Variants in PARD3 observed in about 807,000 individuals in gnomAD.
The protein encoded by PARD3 is par-3 family cell polarity regulator.
PARD3 carries 75 observed loss-of-function variants against 155.4 expected under a neutral mutation model. The ratio of observed to expected loss-of-function variants is 0.48; its 90% CI spans 0.40 to 0.58. PARD3 has a LOEUF of 0.58. Among genes scored for constraint, PARD3 ranks in the 20% least tolerant of loss-of-function variants. The pLI is 0.00. For missense variants in PARD3, 1,642 were observed against 1,721.7 expected, an observed-to-expected ratio of 0.95 and a Z score of 0.82; for synonymous variants, 576 against 610.5, an observed-to-expected ratio of 0.94 and a Z score of 0.83.
intron 2 of PARD3, among the ~76,000 whole-genome samples, chr10:34,540,330 T>TA (rs554974256): frequency 0.016 from 2,248 of 144,328 alleles, 22 homozygotes; most frequent in East Asian, 0.029. Context: ...CACACTATAT[T>TA]AAAAAAAAAA....
chr10:34,207,202 G>A (rs537421804), intron 22 of PARD3, among the ~76,000 whole-genome samples: 1 of 152,294 alleles, frequency 6.6e-6, no homozygotes, highest in South Asian at 2.1e-4. Flanking sequence ...TCACACAGGG[G>A]CTCATGATGA....
intron 1 of PARD3, among the ~76,000 whole-genome samples, chr10:34,733,875 C>A (rs2133831210): frequency 6.6e-6 from 1 of 151,904 alleles, no homozygotes; most frequent in South Asian, 2.1e-4. Flanking sequence ...TCTCAAAACT[C>A]CTAATATAAA....
At position 34,728,046 on chromosome 10, in the gene PARD3, A is replaced by G. The variant is rs1478356503; in HGVS notation, c.121-31627T>C. Among the ~76,000 whole-genome samples, 3 of 152,216 alleles carry G rather than the reference A, an allele frequency of 2.0e-5. No individual in the cohort carries two copies. In the East Asian group the frequency reaches 5.8e-4, roughly 29 times the overall value. On this transcript the variant is annotated intron_variant, in intron 1 of 24. Transcript: ENST00000374788. ...GATCCTTGCAATGCATTCTGGATCA[A>G]CAAGTAGGTATATTAAGTCTAATTT...
intron 1 of PARD3, among the ~76,000 whole-genome samples, chr10:34,806,485 G>A (rs1265472960): frequency 6.6e-6 from 1 of 151,614 alleles, no homozygotes; most frequent in African/African-American, 2.4e-5. Context: ...CACCACACCC[G>A]GCCTATGCCT....
At chr10:34,790,004 G>A (rs879918285) in intron 1 of PARD3, among the ~76,000 whole-genome samples, 3 of 152,170 alleles carry the variant, frequency 2.0e-5, no homozygotes, top group Admixed American at 1.3e-4. Flanking sequence ...AAACTATACA[G>A]ACAATTCAGT....
intron 7 of PARD3, among the ~76,000 whole-genome samples, chr10:34,385,086 A>G (rs1418553114): frequency 6.6e-6 from 1 of 152,194 alleles, no homozygotes; most frequent in African/African-American, 2.4e-5. Context: ...TATAAGCAAC[A>G]GGGGTCTTAA....
At chr10:34,432,482 A>C (rs1482909066) in intron 5 of PARD3, among the ~76,000 whole-genome samples, 1 of 152,114 alleles carries the variant, frequency 6.6e-6, no homozygotes, top group Non-Finnish European at 1.5e-5. Flanking sequence ...CACAGAGCAA[A>C]ATTAAAAGAA....
chr10:34,258,300 G>A (rs538688930), intron 22 of PARD3, among the ~76,000 whole-genome samples: 9 of 152,272 alleles, frequency 5.9e-5, no homozygotes, highest in Admixed American at 1.3e-4. Flanking sequence ...GTCAGGAGAC[G>A]ACCATCAGTA....
At chr10:34,689,242 T>A (rs916157019) in intron 2 of PARD3, among the ~76,000 whole-genome samples, 2 of 152,174 alleles carry the variant, frequency 1.3e-5, no homozygotes, top group African/African-American at 2.4e-5. Flanking sequence ...AATGATTAAA[T>A]CAGGATCGAA....
chr10:34,546,051 G>T (rs1234258227), intron 2 of PARD3, among the ~76,000 whole-genome samples: 3 of 152,020 alleles, frequency 2.0e-5, no homozygotes, highest in African/African-American at 7.2e-5. Context: ...TAACGTAAAA[G>T]TATACTTATA....
chr10:34,113,671 G>A (rs539799858), intron 24 of PARD3, among the ~76,000 whole-genome samples: 1 of 152,200 alleles, frequency 6.6e-6, no homozygotes, highest in South Asian at 2.1e-4. Flanking sequence ...CCTACACTAG[G>A]AAACTAAGCA....
At chr10:34,558,670 C>A (rs1044286250) in intron 2 of PARD3, among the ~76,000 whole-genome samples, 1 of 152,150 alleles carries the variant, frequency 6.6e-6, no homozygotes, top group Non-Finnish European at 1.5e-5. Context: ...GTGGCTCATG[C>A]CTCTAATCCC....
At position 34,111,342 on chromosome 10, in the gene PARD3, T is replaced by TCTTCATCTGCTGCTC; in HGVS notation, c.3874_3888dup (p.Glu1292_Lys1296dup). On this transcript the variant is annotated inframe_insertion, in exon 25 of 25. Transcript: ENST00000374788. The stretch of plus-strand genomic sequence containing the variant: ...CTGGGCCCCTCGGAAGGAGGCTGCT[T>TCTTCATCTGCTGCTC]CTTCATCTGCTGCTCCTTCCGCCTC... 1.2e-6 allele frequency: 2 copies of TCTTCATCTGCTGCTC among 1,613,950 alleles called. No individual in the cohort carries two copies. The highest frequency in any genetic ancestry group is 1.7e-6 in the Non-Finnish European group (2 of 1,179,844).
At chr10:34,155,668 A>ATGTGTG (rs3039232) in intron 22 of PARD3, among the ~76,000 whole-genome samples, 8,939 of 140,300 alleles carry the variant, frequency 0.064, 317 homozygotes, top group Non-Finnish European at 0.073. Context: ...CCCTCTAAAA[A>ATGTGTG]TGTGTGTGTG....
chr10:34,171,293 G>A (rs188314091), intron 22 of PARD3, among the ~76,000 whole-genome samples: 1 of 152,136 alleles, frequency 6.6e-6, no homozygotes, highest in South Asian at 2.1e-4. Context: ...GATAATCGAG[G>A]TTGCCTTTTT....
intron 2 of PARD3, among the ~76,000 whole-genome samples, chr10:34,671,421 T>C (rs2093608522): frequency 6.6e-6 from 1 of 152,144 alleles, no homozygotes; most frequent in South Asian, 2.1e-4. Context: ...AAGTAACACA[T>C]TCATCTAGGC....
chr10:34,273,835 C>T (rs1955750215), intron 21 of PARD3, among the ~76,000 whole-genome samples: 1 of 152,102 alleles, frequency 6.6e-6, no homozygotes, highest in Non-Finnish European at 1.5e-5. Flanking sequence ...CTCTTGGTTT[C>T]CAATTTTGAA....
chr10:34,656,387 T>C (rs964404521), intron 2 of PARD3, among the ~76,000 whole-genome samples: 1 of 152,228 alleles, frequency 6.6e-6, no homozygotes, highest in African/African-American at 2.4e-5. Flanking sequence ...CAAGTTTTCG[T>C]ACTATTGAAG....
intron 19 of PARD3, among the ~76,000 whole-genome samples, chr10:34,326,298 A>T (rs899100569): frequency 2.0e-5 from 3 of 152,210 alleles, no homozygotes; most frequent in African/African-American, 7.2e-5. Context: ...GAAACCTCCT[A>T]AAAATTAATC....
Sources: gnomAD v4.1 joint callset for allele counts (sites outside exome capture counted in the v4.1 genomes callset) on GRCh38, gnomAD v4.1.1 for gene constraint, MANE v1.5 for transcripts, NCBI Gene and HGNC (gene_info 2026-07-23, HGNC 2026-07-21) for gene names.